Variants in CDH9 observed in about 807,000 individuals in gnomAD.
The protein encoded by CDH9 is cadherin-9.
Under a neutral mutation model 70.9 loss-of-function variants are expected in CDH9, and 28 were observed. The observed-to-expected ratio is 0.40, with a 90% CI of 0.29 to 0.54. The LOEUF (loss-of-function observed/expected upper bound fraction) is 0.54. Among genes scored for constraint, CDH9 ranks in the 20% least tolerant of loss-of-function variants. The pLI, the probability that CDH9 is intolerant of heterozygous loss-of-function variation, is 0.59. For synonymous variants in CDH9, 409 were observed against 343.1 expected (o/e 1.19, Z -2.12); for missense variants, 874 against 984.4 (o/e 0.89, Z 1.50).
intron 5 of CDH9, among the ~76,000 whole-genome samples, chr5:26,905,015 T>C (rs960830443): frequency 6.6e-6 from 1 of 152,100 alleles, no homozygotes; most frequent in African/African-American, 2.4e-5. Flanking sequence ...ATTATTTATG[T>C]TCTCAGCAAA....
intron 7 of CDH9, among the ~76,000 whole-genome samples, chr5:26,900,650 A>G (rs1333727509): frequency 6.6e-6 from 1 of 152,114 alleles, no homozygotes; most frequent in Non-Finnish European, 1.5e-5. Flanking sequence ...CTAAGTTGAT[A>G]TGATGTCATT....
At position 26,881,285 on chromosome 5, in the gene CDH9, C is replaced by G. The variant is rs1740457411; in HGVS notation, c.2221G>C (p.Glu741Gln). 6.2e-7 allele frequency: 1 copy of G among 1,613,488 alleles called. No homozygotes were observed. Among genetic ancestry groups the G allele is most frequent in the Non-Finnish European group, 8.5e-7 (1 of 1,179,566 alleles). ...PYDSLATYAY[E>Q]GNDSIADSLS... Reference sequence around the variant, plus strand: ...GAATCTGCTATGGAATCATTCCCTTCATAGGCATACGTTGCCAGCGAATCA... The same window carrying G: ...GAATCTGCTATGGAATCATTCCCTTGATAGGCATACGTTGCCAGCGAATCA... Residue 741 changes from glutamate to glutamine, a missense_variant, in exon 12 of 12, where the codon GAA becomes CAA. Glu to Gln is a conservative substitution (Grantham distance 29). Coordinates refer to ENST00000231021, the MANE Select transcript of CDH9 (RefSeq NM_016279.4).
At chr5:26,932,784 TGTAA>T (rs1463795253) in intron 2 of CDH9, among the ~76,000 whole-genome samples, 4 of 151,824 alleles carry the variant, frequency 2.6e-5, no homozygotes, top group Non-Finnish European at 4.4e-5. Flanking sequence ...CCATCATATT[TGTAA>T]GTATTTTCTA....
Position 26,880,816 on chromosome 5 carries a change from A to G in CDH9, c.*320T>C, listed in dbSNP as rs75973558. On this transcript the variant is annotated 3_prime_UTR_variant, in exon 12 of 12. Transcript: ENST00000231021. ...TAAAGGTGACTGAAAGTCAGTTAAG[A>G]AAACATTTATAAATTATTATACCTA... 15,717 of 185,278 alleles carry G rather than the reference A, an allele frequency of 0.085. 932 individuals are homozygous for G. Among genetic ancestry groups the G allele is most frequent in the Non-Finnish European group, 0.12 (11,173 of 90,042 alleles). 11.5% of individuals were successfully genotyped at this position (185,278 alleles called of 1,614,324 possible). A position where few individuals can be genotyped will look rare whatever the true frequency, so the allele number is the denominator to read the frequency against.
At chr5:27,027,585 C>G (rs1743240818) in intron 1 of CDH9, among the ~76,000 whole-genome samples, 1 of 152,054 alleles carries the variant, frequency 6.6e-6, no homozygotes, top group Non-Finnish European at 1.5e-5. Flanking sequence ...TTCTCAAACT[C>G]ACACATGAAG....
In CDH9 at chr5:26,965,574, T is replaced by TTAATAATAATAATAATAA. The variant is rs59563835; in HGVS notation, c.228+22514_228+22531dup. ...GTGCATGACAGAGTGAGACTCTGTC[T>TTAATAATAATAATAATAA]TAATAATAATAATAATAATAATAAT... is the stretch of plus-strand genomic sequence containing the variant. On this transcript the variant is annotated intron_variant, in intron 2 of 11. Transcript: ENST00000231021. Among the ~76,000 whole-genome samples, 253 of 146,730 alleles carry TTAATAATAATAATAATAA rather than the reference T, an allele frequency of 1.7e-3. 1 individual carries two copies. Among genetic ancestry groups the TTAATAATAATAATAATAA allele is most frequent in the Middle Eastern group, 3.6e-3 (1 of 278 alleles).
At chr5:26,949,012 C>A (rs13176868) in intron 2 of CDH9, among the ~76,000 whole-genome samples, 1 of 152,152 alleles carries the variant, frequency 6.6e-6, no homozygotes, top group Non-Finnish European at 1.5e-5. Flanking sequence ...GCCTTAAATA[C>A]ATTCTTTTGA....
chr5:26,982,721 C>T (rs1742419823), intron 2 of CDH9, among the ~76,000 whole-genome samples: 1 of 151,904 alleles, frequency 6.6e-6, no homozygotes, highest in Non-Finnish European at 1.5e-5. Flanking sequence ...TGGAGTCTTG[C>T]TCCATCGCCC....
chr5:26,942,668 C>A (rs896417548), intron 2 of CDH9, among the ~76,000 whole-genome samples: 2 of 152,098 alleles, frequency 1.3e-5, no homozygotes, highest in African/African-American at 4.8e-5. Flanking sequence ...GTTTAAAGTT[C>A]TAAACACCCC....
intron 2 of CDH9, among the ~76,000 whole-genome samples, chr5:26,980,904 G>A (rs184825393): frequency 9.9e-5 from 15 of 152,010 alleles, no homozygotes; most frequent in African/African-American, 2.4e-4. Context: ...ATGATTTCTA[G>A]GACTTAAGAT....
intron 1 of CDH9, among the ~76,000 whole-genome samples, chr5:27,014,445 T>C (rs1170516176): frequency 2.6e-5 from 4 of 151,922 alleles, no homozygotes; most frequent in African/African-American, 9.7e-5. Context: ...ACAGTGGTAG[T>C]TGAGACTTCT....
At chr5:26,907,002 T>C (rs1740960666) in intron 3 of CDH9, among the ~76,000 whole-genome samples, 164 bp from the exon 4 acceptor site, 1 of 152,210 alleles carries the variant, frequency 6.6e-6, no homozygotes, top group Non-Finnish European at 1.5e-5. Flanking sequence ...TCCTTTCTCA[T>C]TTTCTATAAA....
intron 2 of CDH9, among the ~76,000 whole-genome samples, chr5:26,974,293 A>C (rs1376250873): frequency 6.6e-6 from 1 of 152,190 alleles, no homozygotes; most frequent in Non-Finnish European, 1.5e-5. Context: ...TAGCAAGCAA[A>C]ATAATGAGCT....
intron 1 of CDH9, among the ~76,000 whole-genome samples, chr5:26,998,794 T>C (rs1742713552): frequency 6.6e-6 from 1 of 152,070 alleles, no homozygotes; most frequent in South Asian, 2.1e-4. Context: ...ATTAAGCTGA[T>C]GTAAAAGACA....
At chr5:27,028,797 C>G (rs1332188697) in intron 1 of CDH9, among the ~76,000 whole-genome samples, 2 of 151,660 alleles carry the variant, frequency 1.3e-5, no homozygotes, top group Non-Finnish European at 2.9e-5. Flanking sequence ...TGCCAAAAAC[C>G]AAAAACTTAG....
chr5:26,996,276 T>C (rs1742663741), intron 1 of CDH9, among the ~76,000 whole-genome samples: 1 of 152,054 alleles, frequency 6.6e-6, no homozygotes, highest in African/African-American at 2.4e-5. Flanking sequence ...CATTAATCTA[T>C]TGATCTTCAA....
chr5:27,027,220 A>G (rs1005517570), intron 1 of CDH9, among the ~76,000 whole-genome samples: 3 of 152,050 alleles, frequency 2.0e-5, no homozygotes, highest in African/African-American at 7.2e-5. Context: ...AATTTCAAGT[A>G]ATATAAACTT....
At chr5:26,932,959 T>C (rs1290631406) in intron 2 of CDH9, among the ~76,000 whole-genome samples, 1 of 138,300 alleles carries the variant, frequency 7.2e-6, no homozygotes, top group African/African-American at 2.7e-5. Flanking sequence ...CTTTAGAGTA[T>C]TATATGTGTT....
intron 2 of CDH9, among the ~76,000 whole-genome samples, chr5:26,969,863 T>C (rs934934413): frequency 1.8e-4 from 1 of 5,412 alleles, no homozygotes; most frequent in Non-Finnish European, 1.3e-3. Context: ...CTGATTTTAC[T>C]GGCTGGTTAA....
Sources: allele counts gnomAD v4.1 joint callset (sites outside exome capture counted in the v4.1 genomes callset), GRCh38; gene constraint gnomAD v4.1.1; transcripts MANE v1.5; gene names NCBI Gene and HGNC (gene_info 2026-07-23, HGNC 2026-07-21).